SGCZ: variants seen among roughly 807,000 people sequenced by gnomAD.
SGCZ encodes sarcoglycan zeta, also known as zeta-sarcoglycan.
In SGCZ, 40 loss-of-function variants were observed where a neutral mutation model predicts 41.3. That is an observed-to-expected ratio of 0.97 (90% CI 0.75 to 1.26). SGCZ has a LOEUF of 1.26. Ranked by LOEUF, SGCZ falls within the 50% of genes most tolerant of loss-of-function variation. The pLI is 0.00. For synonymous variants in SGCZ, 206 were observed against 137.5 expected, an observed-to-expected ratio of 1.50 and a Z score of -3.49; for missense variants, 552 against 369.8, an observed-to-expected ratio of 1.49 and a Z score of -4.04.
intron 4 of SGCZ, among the ~76,000 whole-genome samples, chr8:14,195,292 G>A (rs528072719): frequency 6.6e-6 from 1 of 152,082 alleles, no homozygotes; most frequent in Non-Finnish European, 1.5e-5. Context: ...TTGAGACGGA[G>A]AATACGCTGA....
intron 1 of SGCZ, among the ~76,000 whole-genome samples, chr8:14,906,772 A>C (rs1799131036): frequency 6.6e-6 from 1 of 152,234 alleles, no homozygotes; most frequent in Non-Finnish European, 1.5e-5. Flanking sequence ...AGATGCTTAC[A>C]GTCCTGATTA....
At chr8:14,909,082 G>A (rs945289157) in intron 1 of SGCZ, among the ~76,000 whole-genome samples, 1 of 152,100 alleles carries the variant, frequency 6.6e-6, no homozygotes, top group East Asian at 1.9e-4. Context: ...CAAATCATGT[G>A]CATCAAGTTG....
intron 1 of SGCZ, among the ~76,000 whole-genome samples, chr8:14,878,595 T>G (rs2130717713): frequency 6.6e-6 from 1 of 152,290 alleles, no homozygotes; most frequent in Non-Finnish European, 1.5e-5. Flanking sequence ...TGCAGCACTG[T>G]TAAGGATACT....
chr8:15,175,882 C>A (rs780852467), intron 1 of SGCZ, among the ~76,000 whole-genome samples: 21 of 152,082 alleles, frequency 1.4e-4, no homozygotes, highest in Non-Finnish European at 2.6e-4. Context: ...AAGGAGAAGA[C>A]TCATGTTAGG....
At chr8:14,777,881 A>G (rs1198142318) in intron 1 of SGCZ, among the ~76,000 whole-genome samples, 3 of 144,258 alleles carry the variant, frequency 2.1e-5, no homozygotes, top group Non-Finnish European at 4.5e-5. Flanking sequence ...ACCTTTTCTT[A>G]TGTTTGAAAT....
At chr8:14,843,006 G>A (rs1467540261) in intron 1 of SGCZ, among the ~76,000 whole-genome samples, 1 of 152,110 alleles carries the variant, frequency 6.6e-6, no homozygotes, top group Non-Finnish European at 1.5e-5. Flanking sequence ...TGAGGTCAAA[G>A]GTTTGAGACC....
chr8:14,194,687 T>C (rs986590350), intron 4 of SGCZ, among the ~76,000 whole-genome samples: 1 of 152,054 alleles, frequency 6.6e-6, no homozygotes, highest in South Asian at 2.1e-4. Flanking sequence ...AAATATATAA[T>C]TCTGGTTTTC....
At chr8:14,743,976 G>C (rs1585225199) in intron 1 of SGCZ, among the ~76,000 whole-genome samples, 1 of 152,078 alleles carries the variant, frequency 6.6e-6, no homozygotes, top group African/African-American at 2.4e-5. Flanking sequence ...TTTTCCTCTA[G>C]CAAATATTGC....
Position 14,593,420 on chromosome 8 carries a change from C to T in SGCZ, c.40-38494G>A, listed in dbSNP as rs530635353. Among the ~76,000 whole-genome samples, 7 of 152,298 alleles carry T rather than the reference C, an allele frequency of 4.6e-5. No homozygotes were observed. In the South Asian group the frequency reaches 1.4e-3, roughly 32 times the overall value. ...GGCGTCTTGATTTTAGATGTCTGAT[C>T]TCCAGAACGGTAACAGAATAGATCT... is the stretch of plus-strand genomic sequence containing the variant. On this transcript the variant is annotated intron_variant, in intron 1 of 7. Transcript: ENST00000382080.
chr8:14,135,686 A>C (rs1404523073), intron 5 of SGCZ, among the ~76,000 whole-genome samples: 2 of 152,218 alleles, frequency 1.3e-5, no homozygotes, highest in East Asian at 3.8e-4. Context: ...AAAGTCTTCA[A>C]ACACAGATAG....
At chr8:14,637,274 C>A (rs1806862249) in intron 1 of SGCZ, among the ~76,000 whole-genome samples, 1 of 151,530 alleles carries the variant, frequency 6.6e-6, no homozygotes, top group Non-Finnish European at 1.5e-5. Flanking sequence ...ATTATGTTCT[C>A]TAAAACTGTC....
chr8:15,139,225 C>T (rs530829808), intron 1 of SGCZ, among the ~76,000 whole-genome samples: 14 of 152,190 alleles, frequency 9.2e-5, no homozygotes, highest in Non-Finnish European at 2.1e-4. Context: ...AAACATAGTT[C>T]ATATCCTCAG....
intron 1 of SGCZ, among the ~76,000 whole-genome samples, chr8:14,632,190 T>G (rs1252845248): frequency 6.6e-6 from 1 of 151,888 alleles, no homozygotes. Context: ...GGCTAATTTT[T>G]AAGATTTTTT....
chr8:14,432,712 G>C (rs1406590290), intron 2 of SGCZ, among the ~76,000 whole-genome samples: 1 of 151,978 alleles, frequency 6.6e-6, no homozygotes, highest in Non-Finnish European at 1.5e-5. Context: ...TCGGGAGTTC[G>C]AGACCAGCCT....
At chr8:14,754,017 T>C (rs1350688071) in intron 1 of SGCZ, among the ~76,000 whole-genome samples, 1 of 152,064 alleles carries the variant, frequency 6.6e-6, no homozygotes, top group African/African-American at 2.4e-5. Flanking sequence ...GGCTATCTCA[T>C]ATAGGAAAAA....
chr8:14,615,591 G>A (rs1806073991), intron 1 of SGCZ, among the ~76,000 whole-genome samples: 1 of 152,134 alleles, frequency 6.6e-6, no homozygotes, highest in African/African-American at 2.4e-5. Flanking sequence ...CACAGATGAT[G>A]GATCCTAAAA....
At chr8:14,449,901 A>G (rs1048968403) in intron 2 of SGCZ, among the ~76,000 whole-genome samples, 1 of 152,214 alleles carries the variant, frequency 6.6e-6, no homozygotes, top group African/African-American at 2.4e-5. Flanking sequence ...TAAACAAAGT[A>G]AGAGTGAACA....
chr8:14,402,400 T>A (rs1262286109), intron 2 of SGCZ, among the ~76,000 whole-genome samples: 1 of 151,846 alleles, frequency 6.6e-6, no homozygotes, highest in African/African-American at 2.4e-5. Context: ...TAGGTTTTCT[T>A]CTAGGATTTT....
intron 1 of SGCZ, among the ~76,000 whole-genome samples, chr8:14,805,178 G>A (rs1801477748): frequency 1.9e-5 from 1 of 51,290 alleles, no homozygotes. Context: ...CAACTAACGA[G>A]CAAAATCACC....
Sources: gnomAD v4.1 joint callset for allele counts (sites outside exome capture counted in the v4.1 genomes callset) on GRCh38, gnomAD v4.1.1 for gene constraint, MANE v1.5 for transcripts, NCBI Gene and HGNC (gene_info 2026-07-23, HGNC 2026-07-21) for gene names.